The following SPATA6 variants were observed in gnomAD, a reference collection of about 807,000 sequenced individuals.
SPATA6 encodes spermatogenesis-associated protein 6.
Under a neutral mutation model 65.3 loss-of-function variants are expected in SPATA6, and 56 were observed. That is an observed-to-expected ratio of 0.86 (90% confidence interval 0.69 to 1.07). SPATA6 has a LOEUF of 1.07. Ranked by LOEUF, SPATA6 falls within the 50% of genes least tolerant of loss-of-function variation. SPATA6 has a pLI of 0.00. For missense variants in SPATA6, 590 were observed against 594.8 expected (o/e 0.99, Z 0.08); for synonymous variants, 199 against 213.2 (o/e 0.93, Z 0.58).
intron 12 of SPATA6, among the ~76,000 whole-genome samples, chr1:48,303,603 AT>A (rs568431972): frequency 5.9e-5 from 9 of 152,222 alleles, no homozygotes; most frequent in East Asian, 3.9e-4. Flanking sequence ...AAAAGATTTC[AT>A]TTTTTTATAG....
intron 1 of SPATA6, among the ~76,000 whole-genome samples, chr1:48,453,973 C>T (rs1656804918): frequency 6.7e-6 from 1 of 149,170 alleles, no homozygotes; most frequent in Non-Finnish European, 1.5e-5. Context: ...GAAAGAAGTA[C>T]CAAGAAACAG....
At chr1:48,359,016 G>C (rs988653220) in intron 10 of SPATA6, among the ~76,000 whole-genome samples, 2 of 152,022 alleles carry the variant, frequency 1.3e-5, no homozygotes, top group African/African-American at 4.8e-5. Flanking sequence ...TAGTGACAGA[G>C]GCAAGGAATT....
the SPATA6 span, among the ~76,000 whole-genome samples, chr1:48,273,065 T>C: frequency 6.6e-6 from 1 of 152,198 alleles, no homozygotes; most frequent in Non-Finnish European, 1.5e-5. Context: ...ATTCCGAATA[T>C]TGTCTTTACA....
intron 9 of SPATA6, among the ~76,000 whole-genome samples, chr1:48,372,282 G>T (rs963892898): frequency 6.6e-6 from 1 of 152,166 alleles, no homozygotes; most frequent in Admixed American, 6.5e-5. Context: ...GGTAAATACA[G>T]CTGTTCTAAA....
intron 11 of SPATA6, among the ~76,000 whole-genome samples, chr1:48,319,881 C>T (rs1645551035): frequency 2.0e-5 from 3 of 152,150 alleles, no homozygotes; most frequent in South Asian, 2.1e-4. Context: ...TCACATGCCC[C>T]AAAGACAGAT....
At chr1:48,401,445 T>A (rs189472111) in intron 6 of SPATA6, among the ~76,000 whole-genome samples, 1 of 152,140 alleles carries the variant, frequency 6.6e-6, no homozygotes, top group East Asian at 1.9e-4. Flanking sequence ...TGTTCATGCC[T>A]AGTAAAACTT....
chr1:48,403,089 T>C (rs926958912), intron 6 of SPATA6, among the ~76,000 whole-genome samples: 2 of 152,008 alleles, frequency 1.3e-5, no homozygotes, highest in Admixed American at 6.6e-5. Flanking sequence ...TGCAGAAGGA[T>C]TGCTTGAGCC....
intron 9 of SPATA6, among the ~76,000 whole-genome samples, chr1:48,373,492 C>A (rs1227725611): frequency 1.3e-5 from 2 of 152,230 alleles, no homozygotes; most frequent in African/African-American, 4.8e-5. Flanking sequence ...TTCCTGTCTT[C>A]TTCTGAGCCT....
chr1:48,367,683 T>C (rs1647071207), intron 9 of SPATA6, among the ~76,000 whole-genome samples: 1 of 152,234 alleles, frequency 6.6e-6, no homozygotes, highest in East Asian at 1.9e-4. Flanking sequence ...TTTGAGCCTA[T>C]GTGTGTCTCT....
chr1:48,381,612 A>G (rs978207260), intron 9 of SPATA6, among the ~76,000 whole-genome samples: 4 of 150,476 alleles, frequency 2.7e-5, no homozygotes, highest in Non-Finnish European at 5.9e-5. Flanking sequence ...AAGTAAGTAC[A>G]TAAACAATGA....
intron 11 of SPATA6, among the ~76,000 whole-genome samples, chr1:48,347,738 AT>A (rs1015572524): frequency 4.0e-5 from 6 of 151,840 alleles, no homozygotes; most frequent in African/African-American, 1.4e-4. Context: ...TAACATCACT[AT>A]TGTGAAACCT....
At chr1:48,338,449 T>A (rs1224378172) in intron 11 of SPATA6, among the ~76,000 whole-genome samples, 1 of 152,062 alleles carries the variant, frequency 6.6e-6, no homozygotes, top group Non-Finnish European at 1.5e-5. Context: ...TCCTGCTATC[T>A]CACGATACTT....
intron 11 of SPATA6, among the ~76,000 whole-genome samples, chr1:48,328,543 T>C (rs1034894836): frequency 1.2e-4 from 18 of 152,156 alleles, no homozygotes; most frequent in Admixed American, 1.2e-3. Context: ...TTATATGAAA[T>C]GTGCAGAATG....
intron 9 of SPATA6, 40 bp from the exon 10 acceptor site, chr1:48,359,810 G>A: frequency 7.0e-7 from 1 of 1,423,250 alleles, no homozygotes; most frequent in Non-Finnish European, 9.6e-7. Flanking sequence ...TACAAATACA[G>A]ATACATATGT....
rs564514516 is a variant in SPATA6 at position 48,441,309 on chromosome 1, T to C, written c.238+10243A>G. On this transcript the variant is annotated intron_variant, in intron 3 of 12. Coordinates refer to ENST00000371847, the MANE Select transcript of SPATA6 (RefSeq NM_019073.4). ...ACTGGCACAGCTTTCTCAGTGTTAATTTCCTGTCCCGGACAGCTGTCCTCA... is the reference window on the plus strand; with the variant it reads ...ACTGGCACAGCTTTCTCAGTGTTAACTTCCTGTCCCGGACAGCTGTCCTCA... Among the ~76,000 whole-genome samples the C allele has an allele frequency of 2.0e-5, 3 of 152,324 alleles. No homozygotes were observed. In the South Asian group the frequency reaches 6.2e-4, roughly 32 times the overall value.
intron 5 of SPATA6, 111 bp from the exon 6 acceptor site, chr1:48,403,993 C>G (rs1473497570): frequency 1.8e-5 from 13 of 719,192 alleles, no homozygotes; most frequent in African/African-American, 3.7e-5. Context: ...TCAGCTGTTT[C>G]ACTGTTAGTT....
intron 3 of SPATA6, among the ~76,000 whole-genome samples, chr1:48,421,063 G>A (rs187324613): frequency 1.9e-3 from 285 of 152,232 alleles, no homozygotes; most frequent in Admixed American, 3.1e-3. Context: ...AGAGGATGAG[G>A]AAATACTGAT....
chr1:48,305,023 G>T (rs1645027283), intron 12 of SPATA6, among the ~76,000 whole-genome samples: 1 of 152,088 alleles, frequency 6.6e-6, no homozygotes, highest in South Asian at 2.1e-4. Context: ...TTGCTTGGGA[G>T]GCAATAACTT....
chr1:48,363,036 G>A (rs74867340), intron 9 of SPATA6, among the ~76,000 whole-genome samples: 3,922 of 152,088 alleles, frequency 0.026, 109 homozygotes, highest in African/African-American at 0.071. Context: ...AATATAAGAC[G>A]TCAAATACAA....
Sources: gnomAD v4.1 joint callset for allele counts (sites outside exome capture counted in the v4.1 genomes callset) on GRCh38, gnomAD v4.1.1 for gene constraint, MANE v1.5 for transcripts, NCBI Gene and HGNC (gene_info 2026-07-23, HGNC 2026-07-21) for gene names.